Variants in CBFA2T2 observed in about 807,000 individuals in gnomAD.
CBFA2T2 encodes CBFA2/RUNX1 partner transcriptional co-repressor 2.
Under a neutral mutation model 62.2 loss-of-function variants are expected in CBFA2T2, and 11 were observed. That is an observed-to-expected ratio of 0.18 (90% CI 0.11 to 0.29). CBFA2T2 has a LOEUF of 0.29. Among genes scored for constraint, CBFA2T2 ranks in the 10% least tolerant of loss-of-function variants. The probability of loss-of-function intolerance (pLI) is 1.00; values close to 1 mark genes in which losing one functional copy is unlikely to be tolerated. For synonymous variants in CBFA2T2, 295 were observed against 287.5 expected (o/e 1.03, Z -0.27); for missense variants, 592 against 774.1 (o/e 0.76, Z 2.79).
At chr20:33,633,360 G>A (rs2016520598) in intron 8 of CBFA2T2, among the ~76,000 whole-genome samples, 4 of 142,176 alleles carry the variant, frequency 2.8e-5, no homozygotes, top group African/African-American at 1.1e-4. Flanking sequence ...AACACAGTGA[G>A]ACTCTGTCGC....
In CBFA2T2 at chr20:33,636,662, C is replaced by T; in HGVS notation, c.1251C>T (p.Ser417=). 6.2e-7 allele frequency: 1 copy of T among 1,613,602 alleles called. No homozygotes were observed. ...LSNDSQREFN[S]RPGTGYVPVE... ...CAGATTCTCAGAGAGAGTTCAACAG[C>T]AGGCCAGGTACAGGATACGTACCTG... is the stretch of plus-strand genomic sequence containing the variant. Residue 417 remains serine, a synonymous_variant, in exon 9 of 11, where the codon AGC becomes AGT. Transcript: ENST00000342704.
chr20:33,559,172 C>CTTTTTTTTTTTTTTTTTTTTT (rs376048540), intron 1 of CBFA2T2, among the ~76,000 whole-genome samples: 6 of 87,626 alleles, frequency 6.8e-5, no homozygotes, highest in African/African-American at 2.6e-4. Context: ...TTTTTCCTTT[C>CTTTTTTTTTTTTTTTTTTTTT]TTTTTTTTTT....
At chr20:33,534,709 T>C (rs938298363) in intron 1 of CBFA2T2, among the ~76,000 whole-genome samples, 4 of 151,986 alleles carry the variant, frequency 2.6e-5, no homozygotes, top group Non-Finnish European at 5.9e-5. Flanking sequence ...TAACAGTTTC[T>C]TTCAAAGAAT....
At chr20:33,520,398 C>A (rs967080898) in intron 1 of CBFA2T2, among the ~76,000 whole-genome samples, 1 of 152,030 alleles carries the variant, frequency 6.6e-6, no homozygotes, top group Admixed American at 6.6e-5. Flanking sequence ...GGTAACCAAG[C>A]TCTCATATCT....
At position 33,553,560 on chromosome 20, in the gene CBFA2T2, T is replaced by C. The variant is rs8120219; in HGVS notation, c.35-53396T>C. 5.9e-3 allele frequency among the ~76,000 whole-genome samples: 898 copies of C among 152,320 alleles called. 8 individuals carry two copies. Among genetic ancestry groups the C allele is most frequent in the African/African-American group, 0.021 (862 of 41,582 alleles). On this transcript the variant is annotated intron_variant, in intron 1 of 10. Transcript: ENST00000342704. ...GTTTAGTTTTTTGTAAAGGGTCATA[T>C]AGTGACCGTTTTTGGCTTTGTGGGC... is the stretch of plus-strand genomic sequence containing the variant.
Position 33,623,179 on chromosome 20 carries a change from C to A in CBFA2T2, c.575C>A (p.Ser192Tyr). 2 of 1,614,260 alleles carry A rather than the reference C, an allele frequency of 1.2e-6. No homozygotes were observed. Among genetic ancestry groups the A allele is most frequent in the Non-Finnish European group, 1.7e-6 (2 of 1,180,044 alleles). Residue 192 changes from serine to tyrosine, a missense_variant, in exon 5 of 11, where the codon TCC (serine) becomes TAC (tyrosine). Around this residue, in one of 3 missense-constraint regions of CBFA2T2, gnomAD observed 449 missense variants for 551.2 expected, o/e 0.81. Coordinates refer to ENST00000342704, the MANE Select transcript of CBFA2T2 (RefSeq NM_001032999.3). ...GCTCGGGCGGCCAAGCAGACCCCAT[C>A]CCAGTACCTGGCTCAGCACGAACAC... ...HCARAAKQTPSQYLAQHEHLL... is the reference protein window; with the variant it reads ...HCARAAKQTPYQYLAQHEHLL...
intron 3 of CBFA2T2, 62 bp downstream of exon 3, chr20:33,611,397 C>A: frequency 6.3e-7 from 1 of 1,586,972 alleles, no homozygotes; most frequent in Non-Finnish European, 8.6e-7. Flanking sequence ...CCAAAGCGAG[C>A]AAAGTTCTAG....
rs558342085 is a variant in CBFA2T2, at chr20:33,536,160, G to A, written c.34+45859G>A. On this transcript the variant is annotated intron_variant, in intron 1 of 10. Transcript: ENST00000342704. ...TCCACAAAACCGCCATTGTCATCCC[G>A]GCCCATTCTCAATGAGCTGTTGGGT... Among the ~76,000 whole-genome samples the A allele has an allele frequency of 4.2e-3, 638 of 152,256 alleles. 4 individuals carry two copies. Among genetic ancestry groups the A allele is most frequent in the African/African-American group, 0.014 (590 of 41,532 alleles).
chr20:33,507,897 G>C (rs1423360168), intron 1 of CBFA2T2, among the ~76,000 whole-genome samples: 2 of 152,090 alleles, frequency 1.3e-5, no homozygotes, highest in Non-Finnish European at 1.5e-5. Flanking sequence ...CTCTGGAGAG[G>C]TATATCAGCT....
intron 10 of CBFA2T2, among the ~76,000 whole-genome samples, chr20:33,642,113 TTTTTGTGTGTG>T (rs746845380): frequency 0.026 from 1,065 of 41,292 alleles, 13 homozygotes; most frequent in South Asian, 0.036. Context: ...GTCTTTTTTT[TTTTTGTGTGTG>T]TGTGTGTGTG....
At chr20:33,608,007 G>T (rs1450284474) in intron 2 of CBFA2T2, among the ~76,000 whole-genome samples, 1 of 152,224 alleles carries the variant, frequency 6.6e-6, no homozygotes, top group African/African-American at 2.4e-5. Context: ...TGGTGAGGAT[G>T]TATGGAGCAA....
Position 33,607,070 on chromosome 20 carries a change from C to G in CBFA2T2, c.149C>G (p.Pro50Arg). 1 of 1,614,010 alleles carries G rather than the reference C, an allele frequency of 6.2e-7. No individual in the cohort carries two copies. The highest frequency in any genetic ancestry group is 1.7e-5 in the Admixed American group (1 of 59,988). The change falls in exon 2 of 11, where the codon CCG (proline) becomes CGG (arginine). Residue 50 changes from proline (P) to arginine (R), a missense_variant. Physicochemically the swap from Pro to Arg is moderately radical, Grantham distance 103 (BLOSUM62 -2). Around this residue, in one of 3 missense-constraint regions of CBFA2T2, gnomAD observed 449 missense variants for 551.2 expected, o/e 0.81. Coordinates refer to ENST00000342704, the MANE Select transcript of CBFA2T2 (RefSeq NM_001032999.3). Reference sequence around the variant, plus strand: ...CTCCCACCAATAAATCCTGGAGGACCGAGGCCAGTGTCCTTCACTCCTACT... The same window carrying G: ...CTCCCACCAATAAATCCTGGAGGACGGAGGCCAGTGTCCTTCACTCCTACT... ...PPLPPINPGGPRPVSFTPTAL... is the reference protein window; with the variant it reads ...PPLPPINPGGRRPVSFTPTAL...
chr20:33,529,708 C>T (rs543120346), intron 1 of CBFA2T2, among the ~76,000 whole-genome samples: 2 of 143,634 alleles, frequency 1.4e-5, no homozygotes, highest in African/African-American at 2.6e-5. Flanking sequence ...CATAAGATTA[C>T]TTCTAGTGTC....
intron 3 of CBFA2T2, among the ~76,000 whole-genome samples, chr20:33,615,018 G>A (rs147817799): frequency 2.0e-5 from 3 of 152,292 alleles, no homozygotes; most frequent in Non-Finnish European, 2.9e-5. Flanking sequence ...TTTTACACGT[G>A]TGGAAACACT....
At chr20:33,531,125 T>C (rs1364880757) in intron 1 of CBFA2T2, among the ~76,000 whole-genome samples, 2 of 152,062 alleles carry the variant, frequency 1.3e-5, no homozygotes, top group East Asian at 3.9e-4. Flanking sequence ...CTAGTTGCAG[T>C]AGGAGGGACG....
chr20:33,595,498 C>T (rs1464349890), intron 1 of CBFA2T2, among the ~76,000 whole-genome samples: 1 of 152,076 alleles, frequency 6.6e-6, no homozygotes, highest in Non-Finnish European at 1.5e-5. Context: ...GCATGAGCCA[C>T]TGTGCCTAGC....
intron 1 of CBFA2T2, among the ~76,000 whole-genome samples, chr20:33,523,924 TC>T (rs999148653): frequency 2.0e-5 from 3 of 152,096 alleles, no homozygotes; most frequent in African/African-American, 7.2e-5. Flanking sequence ...CCTGAGGTGA[TC>T]CGCCCGCCTC....
chr20:33,578,930 G>C (rs181732980), intron 1 of CBFA2T2, among the ~76,000 whole-genome samples: 128 of 152,274 alleles, frequency 8.4e-4, no homozygotes, highest in Non-Finnish European at 1.6e-3. Flanking sequence ...GAAATAGCCT[G>C]AGTGATGTCT....
intron 1 of CBFA2T2, among the ~76,000 whole-genome samples, chr20:33,505,235 G>A (rs1282344676): frequency 6.6e-6 from 1 of 152,092 alleles, no homozygotes; most frequent in African/African-American, 2.4e-5. Context: ...GGAAGATATG[G>A]GTGTCATCCC....
Sources: allele counts gnomAD v4.1 joint callset (sites outside exome capture counted in the v4.1 genomes callset), GRCh38; gene constraint gnomAD v4.1.1; regional missense constraint gnomAD v4.1.1; transcripts MANE v1.5; gene names NCBI Gene and HGNC (gene_info 2026-07-23, HGNC 2026-07-21).